ZEB1: variants seen among roughly 807,000 people sequenced by gnomAD.
ZEB1 encodes zinc finger E-box binding homeobox 1.
Under a neutral mutation model 84.9 loss-of-function variants are expected in ZEB1, and 21 were observed. That is an observed-to-expected ratio of 0.25 (90% CI 0.18 to 0.36). The LOEUF is 0.36. ZEB1 is among the 10% of genes least tolerant of loss of function. The pLI is 1.00. For synonymous variants in ZEB1, 420 were observed against 471.1 expected, an observed-to-expected ratio of 0.89 and a Z score of 1.41; for missense variants, 1,104 against 1,330.2, an observed-to-expected ratio of 0.83 and a Z score of 2.65.
rs751438818 is a variant in ZEB1 at position 31,527,679 on chromosome 10, G to A, written c.*415G>A. 6.1e-6 allele frequency: 1 copy of A among 162,884 alleles called. No homozygotes were observed. Among genetic ancestry groups the A allele is most frequent in the East Asian group, 1.8e-4 (1 of 5,656 alleles). 10.1% of individuals were successfully genotyped at this position (162,884 alleles called of 1,614,324 possible). ...GGTTTATTCTTAAGCTGTACAATTG[G>A]GAGAAATTTTATAATTTTTTATTGG... On this transcript the variant is annotated 3_prime_UTR_variant, in exon 9 of 9. Transcript: ENST00000424869.
chr10:31,516,527 G>A (rs867887045), intron 6 of ZEB1, among the ~76,000 whole-genome samples: 91 of 73,478 alleles, frequency 1.2e-3, no homozygotes, highest in African/African-American at 4.1e-3. Flanking sequence ...CAAGACCCAG[G>A]GTGTCTGTAA....
intron 1 of ZEB1, among the ~76,000 whole-genome samples, chr10:31,356,525 G>A (rs986247894): frequency 6.6e-6 from 1 of 151,986 alleles, no homozygotes; most frequent in Non-Finnish European, 1.5e-5. Flanking sequence ...CTTTTTTCAT[G>A]ATTATTCAGA....
chr10:31,440,304 G>C (rs1234971375), intron 1 of ZEB1, among the ~76,000 whole-genome samples: 2 of 151,978 alleles, frequency 1.3e-5, no homozygotes, highest in African/African-American at 4.8e-5. Flanking sequence ...AAAGACAAAA[G>C]CCACATGATT....
intron 1 of ZEB1, among the ~76,000 whole-genome samples, chr10:31,367,257 G>A (rs933779900): frequency 2.6e-5 from 4 of 152,160 alleles, no homozygotes; most frequent in Non-Finnish European, 4.4e-5. Context: ...ACTGGTATAC[G>A]TAGTGTCTTG....
intron 1 of ZEB1, among the ~76,000 whole-genome samples, chr10:31,367,434 G>A (rs1461360765): frequency 6.6e-6 from 1 of 152,180 alleles, no homozygotes; most frequent in African/African-American, 2.4e-5. Context: ...TGATGATGAT[G>A]ATGATTGTAT....
Position 31,514,650 on chromosome 10 carries a change from G to A in ZEB1, c.735G>A (p.Glu245=), listed in dbSNP as rs1344571982. 6.2e-6 allele frequency: 10 copies of A among 1,612,746 alleles called. No individual in the cohort carries two copies. Among genetic ancestry groups the A allele is most frequent in the Non-Finnish European group, 8.5e-6 (10 of 1,179,162 alleles). ...SGCNRKFKCT[E]CGKAFKYKHH... ...GTAATCGTAAATTCAAATGCACTGA[G>A]TGTGGAAAAGCTTTCAAATACAAAC... Residue 245 remains glutamate, a synonymous_variant, in exon 6 of 9, where the codon GAG becomes GAA. Coordinates refer to ENST00000424869, the MANE Select transcript of ZEB1 (RefSeq NM_001174096.2).
chr10:31,319,283 C>A lies in ZEB1; in HGVS notation c.49C>A (p.Arg17Ser). ...GCGCAGAAAGCAGGCGAACCCGCGGCGCAATAACGGTGAGTGGCGGAGGGG... is the reference window on the plus strand; with the variant it reads ...GCGCAGAAAGCAGGCGAACCCGCGGAGCAATAACGGTGAGTGGCGGAGGGG... Reference protein sequence around the residue: ...CKRRKQANPRRNNVTNYNTVV... With the variant: ...CKRRKQANPRSNNVTNYNTVV... Residue 17 changes from arginine (R) to serine (S), a missense_variant, in exon 1 of 9, where the codon CGC becomes AGC. Physicochemically the swap from Arg to Ser is moderately radical, Grantham distance 110. Around this residue, in one of 7 missense-constraint regions of ZEB1, gnomAD observed 162 missense variants for 184.5 expected, o/e 0.88. Transcript: ENST00000424869. 1 of 1,607,848 alleles carries A rather than the reference C, an allele frequency of 6.2e-7. No homozygotes were observed. The highest frequency in any genetic ancestry group is 8.5e-7 in the Non-Finnish European group (1 of 1,178,146).
intron 1 of ZEB1, among the ~76,000 whole-genome samples, chr10:31,354,096 T>C (rs1417565266): frequency 1.3e-5 from 2 of 152,170 alleles, no homozygotes; most frequent in Non-Finnish European, 1.5e-5. Context: ...TGGGCAGTGC[T>C]TAAAGTGGGA....
chr10:31,335,845 G>T (rs749447364), intron 1 of ZEB1, among the ~76,000 whole-genome samples: 2 of 152,148 alleles, frequency 1.3e-5, no homozygotes, highest in Non-Finnish European at 2.9e-5. Flanking sequence ...ATGATTATCT[G>T]TGTAACCCAG....
chr10:31,421,257 A>G (rs1177898532), intron 1 of ZEB1, among the ~76,000 whole-genome samples: 2 of 151,980 alleles, frequency 1.3e-5, no homozygotes, highest in Admixed American at 6.6e-5. Context: ...ATGGAGGAGT[A>G]TTGTCCTTTT....
In ZEB1 at chr10:31,523,941, A is replaced by G; in HGVS notation, c.2613A>G (p.Arg871=). ...CACCTTTCTCCCTCTAGGATGAAAG[A>G]CAAGATACTAGCTCAGAAGGAGTAT... is the stretch of plus-strand genomic sequence containing the variant. ...VIQPNGNQDE[R]QDTSSEGVSN... is the part of the protein sequence containing the mutation. Residue 871 remains arginine (R), a synonymous_variant, in exon 8 of 9, where the codon AGA becomes AGG. Transcript: ENST00000424869. 1 of 1,613,912 alleles carries G rather than the reference A, an allele frequency of 6.2e-7. No homozygotes were observed. The highest frequency in any genetic ancestry group is 2.2e-5 in the East Asian group (1 of 44,790).
At chr10:31,336,111 C>T (rs1248026689) in intron 1 of ZEB1, among the ~76,000 whole-genome samples, 1 of 152,154 alleles carries the variant, frequency 6.6e-6, no homozygotes, top group East Asian at 1.9e-4. Flanking sequence ...GAGACTTGAA[C>T]ATTGTAATGG....
chr10:31,420,892 G>A (rs1026969804), intron 1 of ZEB1, among the ~76,000 whole-genome samples: 7 of 151,898 alleles, frequency 4.6e-5, no homozygotes, highest in East Asian at 1.9e-4. Context: ...CCTTCATTCC[G>A]TAGATATCGA....
rs1317680150 is a variant in ZEB1 at position 31,458,313 on chromosome 10, GTGTGTGTGTGTGTGTGTGTGTGT to G, written c.59-2700_59-2678del. On this transcript the variant is annotated intron_variant, in intron 1 of 8. Transcript: ENST00000424869. Reference sequence around the variant, plus strand: ...ATTTGCCAGTAAGCATCTCCATTCCGTGTGTGTGTGTGTGTGTGTGTGTTGTGTGTGTGTGTGTGTGTGTGTGT... The same window carrying G: ...ATTTGCCAGTAAGCATCTCCATTCCGTGTGTGTGTGTGTGTGTGTGTGTGT... Among the ~76,000 whole-genome samples, 928 of 115,526 alleles carry G rather than the reference GTGTGTGTGTGTGTGTGTGTGTGT, an allele frequency of 8.0e-3. 6 individuals are homozygous for G. The highest frequency in any genetic ancestry group is 0.055 in the African/African-American group (885 of 16,138). 75.8% of individuals were successfully genotyped at this position (115,526 alleles called of 152,430 possible). A position where few individuals can be genotyped will look rare whatever the true frequency, so the allele number is the denominator to read the frequency against.
intron 1 of ZEB1, among the ~76,000 whole-genome samples, chr10:31,430,401 T>C (rs964891351): frequency 3.3e-5 from 5 of 152,188 alleles, no homozygotes; most frequent in African/African-American, 1.2e-4. Context: ...GTGAGGAAAA[T>C]ACAAGAAACT....
At chr10:31,462,250 A>G (rs763727219) in intron 2 of ZEB1, among the ~76,000 whole-genome samples, 2 of 152,218 alleles carry the variant, frequency 1.3e-5, no homozygotes, top group Non-Finnish European at 2.9e-5. Context: ...TGACAAATCT[A>G]ATGGTTAACA....
At position 31,362,305 on chromosome 10, in the gene ZEB1, G is replaced by A. The variant is rs182946810; in HGVS notation, c.58+43013G>A. Among the ~76,000 whole-genome samples, 1,186 of 128,070 alleles carry A rather than the reference G, an allele frequency of 9.3e-3. 23 individuals carry two copies. The highest frequency in any genetic ancestry group is 0.033 in the African/African-American group (1,129 of 33,974). The allele number at this position is 128,070 out of a possible 152,430, so 84.0% of individuals were successfully genotyped here. ...ATAGTGGGCGGCTGGGCAGAGGCGC[G>A]CCTCACTTCCCGGACGGGGCGGTGG... is the stretch of plus-strand genomic sequence containing the variant. On this transcript the variant is annotated intron_variant, in intron 1 of 8. Transcript: ENST00000424869.
In ZEB1 at chr10:31,319,313, G is replaced by A. The variant is rs542283302; in HGVS notation, c.58+21G>A. 21 of 1,601,890 alleles carry A rather than the reference G, an allele frequency of 1.3e-5. No individual in the cohort carries two copies. In the South Asian group the frequency reaches 2.1e-4, roughly 16 times the overall value. ...TAACGGTGAGTGGCGGAGGGGACCGGGGAGCGGCGGAGTCAGGGGGAGCTG... is the reference window on the plus strand; with the variant it reads ...TAACGGTGAGTGGCGGAGGGGACCGAGGAGCGGCGGAGTCAGGGGGAGCTG... On this transcript the variant is annotated intron_variant, in intron 1 of 8. Coordinates refer to ENST00000424869, the MANE Select transcript of ZEB1 (RefSeq NM_001174096.2).
intron 1 of ZEB1, among the ~76,000 whole-genome samples, chr10:31,436,497 C>G (rs2058311621): frequency 1.3e-5 from 2 of 152,072 alleles, no homozygotes; most frequent in Non-Finnish European, 1.5e-5. Context: ...TCCGGAGCCA[C>G]ATGGCCTAGG....
Sources: allele counts gnomAD v4.1 joint callset (sites outside exome capture counted in the v4.1 genomes callset), GRCh38; gene constraint gnomAD v4.1.1; regional missense constraint gnomAD v4.1.1; transcripts MANE v1.5; gene names NCBI Gene and HGNC (gene_info 2026-07-23, HGNC 2026-07-21).